DOCK7: variants seen among roughly 807,000 people sequenced by gnomAD.
The protein encoded by DOCK7 is dedicator of cytokinesis 7.
In DOCK7, 138 loss-of-function variants were observed where a neutral mutation model predicts 271.0. The ratio of observed to expected loss-of-function variants is 0.51; its 90% CI spans 0.44 to 0.59. DOCK7 has a LOEUF of 0.59. Among genes scored for constraint, DOCK7 ranks in the 20% least tolerant of loss-of-function variants. DOCK7 has a pLI of 0.00. For missense variants in DOCK7, 2,066 were observed against 2,592.4 expected, an observed-to-expected ratio of 0.80 and a Z score of 4.41; for synonymous variants, 823 against 876.1, an observed-to-expected ratio of 0.94 and a Z score of 1.07.
At chr1:62,596,797 A>G (rs1324854204) in intron 14 of DOCK7, among the ~76,000 whole-genome samples, 1 of 152,204 alleles carries the variant, frequency 6.6e-6, no homozygotes, top group African/African-American at 2.4e-5. Flanking sequence ...CTAGATGACC[A>G]CATATCCATT....
chr1:62,486,433 T>G (rs1646295944), intron 43 of DOCK7: 1 of 152,112 alleles, frequency 6.6e-6, no homozygotes, highest in Non-Finnish European at 1.5e-5. Flanking sequence ...AGCACACAAC[T>G]TTACAAATAT....
chr1:62,634,584 G>A, intron 9 of DOCK7, 189 bp downstream of exon 9: 1 of 473,598 alleles, frequency 2.1e-6, no homozygotes, highest in Non-Finnish European at 3.7e-6. Flanking sequence ...TGTTTCACTG[G>A]AGAATTCTAA....
chr1:62,464,536 G>C (rs1489132253), intron 48 of DOCK7, among the ~76,000 whole-genome samples: 1 of 151,830 alleles, frequency 6.6e-6, no homozygotes, highest in African/African-American at 2.4e-5. Context: ...ACAAAAATTA[G>C]CTGGGTGTGG....
At chr1:62,653,003 T>C (rs1657566313) in intron 4 of DOCK7, among the ~76,000 whole-genome samples, 1 of 152,206 alleles carries the variant, frequency 6.6e-6, no homozygotes, top group African/African-American at 2.4e-5. Flanking sequence ...TCACTTTTGC[T>C]AGTGCTATTT....
At chr1:62,479,100 C>T (rs1041411201) in intron 43 of DOCK7, 2 of 151,926 alleles carry the variant, frequency 1.3e-5, no homozygotes, top group Non-Finnish European at 2.9e-5. Flanking sequence ...CTGGTGGTGC[C>T]TATATGCGCA....
Position 62,582,161 on chromosome 1 carries a change from T to C in DOCK7, c.1871+1023A>G, listed in dbSNP as rs185262432. 3.8e-3 allele frequency among the ~76,000 whole-genome samples: 580 copies of C among 152,100 alleles called. 6 individuals are homozygous for C. Among genetic ancestry groups the C allele is most frequent in the African/African-American group, 0.013 (527 of 41,502 alleles). ...CGTCAAGTTGGATAGTCTTGATAAA[T>C]AGGAATGCTGAGAGTAAAGCACATA... On this transcript the variant is annotated intron_variant, in intron 16 of 49. Coordinates refer to ENST00000635253, the MANE Select transcript of DOCK7 (RefSeq NM_001367561.1).
intron 29 of DOCK7, among the ~76,000 whole-genome samples, chr1:62,533,882 A>G (rs754722160): frequency 5.3e-5 from 8 of 152,116 alleles, no homozygotes; most frequent in Non-Finnish European, 1.0e-4. Context: ...AAACTGCATT[A>G]TAAACTTGGA....
chr1:62,473,479 A>G (rs1217126699), intron 48 of DOCK7, among the ~76,000 whole-genome samples: 1 of 152,168 alleles, frequency 6.6e-6, no homozygotes, highest in East Asian at 1.9e-4. Flanking sequence ...GGCACTATAG[A>G]GTATGGTAGG....
intron 1 of DOCK7, among the ~76,000 whole-genome samples, chr1:62,682,015 T>G (rs1487325046): frequency 1.3e-5 from 2 of 151,038 alleles, no homozygotes; most frequent in Non-Finnish European, 1.5e-5. Flanking sequence ...AGGGGTAAGA[T>G]TTAGGAAAGA....
At chr1:62,676,822 G>A (rs1266530063) in intron 1 of DOCK7, among the ~76,000 whole-genome samples, 1 of 152,156 alleles carries the variant, frequency 6.6e-6, no homozygotes, top group African/African-American at 2.4e-5. Context: ...TACAGATGCA[G>A]AAGGAAAAAA....
chr1:62,590,017 A>G (rs1648207314), intron 14 of DOCK7, among the ~76,000 whole-genome samples: 1 of 152,146 alleles, frequency 6.6e-6, no homozygotes, highest in Non-Finnish European at 1.5e-5. Context: ...AAGGGCACCC[A>G]TACAGAAGAC....
intron 22 of DOCK7, among the ~76,000 whole-genome samples, chr1:62,546,055 T>C (rs1359008802): frequency 6.6e-6 from 1 of 152,060 alleles, no homozygotes; most frequent in Non-Finnish European, 1.5e-5. Flanking sequence ...GATGTAAACA[T>C]ATCAGGACAT....
chr1:62,469,170 ATACTG>A (rs1374585445), intron 48 of DOCK7, among the ~76,000 whole-genome samples: 1 of 152,230 alleles, frequency 6.6e-6, no homozygotes, highest in Non-Finnish European at 1.5e-5. Flanking sequence ...ATTTTAAACT[ATACTG>A]TAAGGCCATA....
chr1:62,504,800 A>T lies in DOCK7; in HGVS notation c.4612-18T>A, dbSNP rs755393652. 1 of 1,607,756 alleles carries T rather than the reference A, an allele frequency of 6.2e-7. No individual in the cohort carries two copies. The highest frequency in any genetic ancestry group is 8.5e-7 in the Non-Finnish European group (1 of 1,178,104). Reference sequence around the variant, plus strand: ...TCAGGAAACTGTAAAACAACAAAACAAACCACCACTGAATTTTTACAGTAA... The same window carrying T: ...TCAGGAAACTGTAAAACAACAAAACTAACCACCACTGAATTTTTACAGTAA... On this transcript the variant is annotated intron_variant, in intron 36 of 49. Coordinates refer to ENST00000635253, the MANE Select transcript of DOCK7 (RefSeq NM_001367561.1).
chr1:62,684,688 A>T (rs1661537194), intron 1 of DOCK7, among the ~76,000 whole-genome samples: 1 of 152,238 alleles, frequency 6.6e-6, no homozygotes, highest in East Asian at 1.9e-4. Context: ...ATTTGTCTAC[A>T]GTCTACATTC....
rs543683332 is a variant in DOCK7 at position 62,620,842 on chromosome 1, C to CCACTGCA, written c.1426-856_1426-850dup. Among the ~76,000 whole-genome samples, 519 of 143,858 alleles carry CCACTGCA rather than the reference C, an allele frequency of 3.6e-3. 3 individuals are homozygous for CCACTGCA. The highest frequency in any genetic ancestry group is 6.2e-3 in the Non-Finnish European group (413 of 66,878). 94.4% of individuals were successfully genotyped at this position (143,858 alleles called of 152,430 possible). ...GAGCTTGCAGTGAGCTGAGTTCGCACCACTGCACTCCAGCCTGGATGACAG... is the reference window on the plus strand; with the variant it reads ...GAGCTTGCAGTGAGCTGAGTTCGCACCACTGCACACTGCACTCCAGCCTGGATGACAG... On this transcript the variant is annotated intron_variant, in intron 12 of 49. Coordinates refer to ENST00000635253, the MANE Select transcript of DOCK7 (RefSeq NM_001367561.1).
At chr1:62,578,162 T>A (rs1245698985) in intron 17 of DOCK7, among the ~76,000 whole-genome samples, 1 of 152,122 alleles carries the variant, frequency 6.6e-6, no homozygotes, top group East Asian at 1.9e-4. Flanking sequence ...CTCAAGGGTT[T>A]TAATTTATTC....
At chr1:62,541,430 T>TA (rs914463650) in intron 25 of DOCK7, among the ~76,000 whole-genome samples, 2 of 152,182 alleles carry the variant, frequency 1.3e-5, no homozygotes, top group Admixed American at 1.3e-4. Context: ...TGAGTCCACT[T>TA]ATATGTAGGT....
chr1:62,640,144 A>T (rs1655811895), intron 7 of DOCK7, among the ~76,000 whole-genome samples: 1 of 152,208 alleles, frequency 6.6e-6, no homozygotes, highest in East Asian at 1.9e-4. Context: ...GAAAGAAAAA[A>T]ACATTTTTTA....
Sources: allele counts gnomAD v4.1 joint callset (sites outside exome capture counted in the v4.1 genomes callset), GRCh38; gene constraint gnomAD v4.1.1; transcripts MANE v1.5; gene names NCBI Gene and HGNC (gene_info 2026-07-23, HGNC 2026-07-21).